Variants in IL12RB1 observed in about 807,000 individuals in gnomAD.
IL12RB1 encodes interleukin 12 receptor subunit beta 1, also known as interleukin-12 receptor subunit beta-1.
IL12RB1 carries 64 observed loss-of-function variants against 94.4 expected under a neutral mutation model. The observed-to-expected ratio is 0.68, with a 90% CI of 0.55 to 0.83. IL12RB1 has a LOEUF of 0.83. Among genes scored for constraint, IL12RB1 ranks in the 40% least tolerant of loss-of-function variants. The pLI is 0.00. For synonymous variants in IL12RB1, 362 were observed against 355.5 expected, an observed-to-expected ratio of 1.02 and a Z score of -0.21; for missense variants, 814 against 855.6, an observed-to-expected ratio of 0.95 and a Z score of 0.61.
At chr19:18,075,975 G>A (rs1375353283) in intron 6 of IL12RB1, 107 bp from the exon 7 acceptor site, 11 of 1,128,630 alleles carry the variant, frequency 9.7e-6, no homozygotes, top group Middle Eastern at 2.0e-4. Context: ...ACAGAGCCAC[G>A]TGCTGGGTCC....
At chr19:18,065,945 G>A (rs2034546982) in intron 12 of IL12RB1, among the ~76,000 whole-genome samples, 1 of 150,820 alleles carries the variant, frequency 6.6e-6, no homozygotes, top group Non-Finnish European at 1.5e-5. Flanking sequence ...AGGCTGAGGT[G>A]GGAGGATCGC....
At chr19:18,082,786 C>T (rs190697494) in intron 2 of IL12RB1, among the ~76,000 whole-genome samples, 25 of 152,202 alleles carry the variant, frequency 1.6e-4, no homozygotes, top group African/African-American at 5.1e-4. Context: ...ATAAATGTTC[C>T]GACAATATGG....
chr19:18,097,317 A>G (rs1250900239), intron 1 of IL12RB1, among the ~76,000 whole-genome samples: 1 of 151,884 alleles, frequency 6.6e-6, no homozygotes, highest in Admixed American at 6.6e-5. Context: ...AGCTGGGATT[A>G]CAGGCGCGCG....
At chr19:18,064,567 G>T (rs561411275) in intron 12 of IL12RB1, among the ~76,000 whole-genome samples, 5 of 151,588 alleles carry the variant, frequency 3.3e-5, no homozygotes, top group Non-Finnish European at 7.4e-5. Context: ...CCACCTCCCA[G>T]GTTCAAGCGA....
chr19:18,083,412 A>T lies in IL12RB1; in HGVS notation c.124+20T>A. On this transcript the variant is annotated intron_variant, in intron 2 of 16. Transcript: ENST00000593993. ...GAGCCCTACATAATCCTCAGCCAACAATGAGGAACTGCCCCGAACCTGAGT... is the reference window on the plus strand; with the variant it reads ...GAGCCCTACATAATCCTCAGCCAACTATGAGGAACTGCCCCGAACCTGAGT... 6.2e-7 allele frequency: 1 copy of T among 1,611,590 alleles called. No individual in the cohort carries two copies. The highest frequency in any genetic ancestry group is 1.3e-5 in the African/African-American group (1 of 74,984).
At chr19:18,066,452 C>T (rs577872814) in intron 12 of IL12RB1, 90 bp downstream of exon 12, 27 of 924,804 alleles carry the variant, frequency 2.9e-5, no homozygotes, top group Admixed American at 7.3e-5. Flanking sequence ...CAGAGAAGGA[C>T]GGCAAGGTGC....
chr19:18,091,051 C>T (rs138075617), upstream of IL12RB1, among the ~76,000 whole-genome samples: 139 of 152,048 alleles, frequency 9.1e-4, 1 homozygote, highest in East Asian at 0.024. Context: ...GCTGGGGCCT[C>T]GAGCGCCAGG....
intron 2 of IL12RB1, 120 bp from the exon 3 acceptor site, chr19:18,082,384 T>C: frequency 2.8e-6 from 2 of 703,734 alleles, no homozygotes. Flanking sequence ...CCTCCCCGCG[T>C]CCTTCCTACC....
intron 1 of IL12RB1, among the ~76,000 whole-genome samples, chr19:18,095,176 C>G (rs1424360577): frequency 6.6e-6 from 1 of 152,078 alleles, no homozygotes; most frequent in South Asian, 2.1e-4. Flanking sequence ...AACACTTCAT[C>G]TCAAAATAAA....
chr19:18,084,128 CATCT>C (rs2036138250), intron 1 of IL12RB1, among the ~76,000 whole-genome samples: 1 of 151,146 alleles, frequency 6.6e-6, no homozygotes, highest in Non-Finnish European at 1.5e-5. Flanking sequence ...TCTACCCATC[CATCT>C]ATCCATCCAT....
intron 12 of IL12RB1, among the ~76,000 whole-genome samples, chr19:18,064,251 T>G (rs984729983): frequency 1.3e-5 from 2 of 148,694 alleles, no homozygotes; most frequent in Non-Finnish European, 3.0e-5. Context: ...ACCATTCTCC[T>G]GCCTCAGCCT....
At chr19:18,094,719 G>A (rs749498396) in intron 1 of IL12RB1, among the ~76,000 whole-genome samples, 138 of 152,264 alleles carry the variant, frequency 9.1e-4, no homozygotes, top group Non-Finnish European at 1.4e-3. Context: ...CAAAAAATTA[G>A]CTGGGCATGG....
intron 5 of IL12RB1, 48 bp from the exon 6 acceptor site, chr19:18,076,375 A>C: frequency 1.1e-6 from 1 of 933,920 alleles, no homozygotes; most frequent in Non-Finnish European, 1.8e-6. Flanking sequence ...TGGTGCTGAA[A>C]AATATTTGCT....
At chr19:18,068,043 T>G (rs1394999626) in intron 11 of IL12RB1, among the ~76,000 whole-genome samples, 1 of 141,474 alleles carries the variant, frequency 7.1e-6, no homozygotes, top group Non-Finnish European at 1.5e-5. Flanking sequence ...TTTTTTTTTT[T>G]GAGACAGAGT....
chr19:18,092,434 G>A (rs2036671511), intron 1 of IL12RB1, among the ~76,000 whole-genome samples: 1 of 151,836 alleles, frequency 6.6e-6, no homozygotes, highest in Non-Finnish European at 1.5e-5. Context: ...GGTTTGCGGT[G>A]AGCCAAGATC....
chr19:18,097,590 T>A (rs1283682660), intron 1 of IL12RB1, among the ~76,000 whole-genome samples: 1 of 152,214 alleles, frequency 6.6e-6, no homozygotes, highest in Non-Finnish European at 1.5e-5. Flanking sequence ...CTGAGAGGAT[T>A]CATGCAAAAT....
Position 18,077,623 on chromosome 19 carries a change from C to A in IL12RB1, c.442G>T (p.Val148Leu), listed in dbSNP as rs766767626. ...CGCAGCTGCCCGGCCAACTTGGACA[C>A]CTTGATGTCTCCCAGAGGAGGCTCA... ...KYEPPLGDIK[V>L]SKLAGQLRME... The change falls in exon 5 of 17, where the codon GTG becomes TTG. Residue 148 changes from valine (V) to leucine (L), a missense_variant. Transcript: ENST00000593993. 6.3e-7 allele frequency: 1 copy of A among 1,594,530 alleles called. No homozygotes were observed. Among genetic ancestry groups the A allele is most frequent in the Admixed American group, 1.7e-5 (1 of 59,988 alleles).
At chr19:18,097,687 G>A in intron 1 of IL12RB1, 1 of 704,326 alleles carries the variant, frequency 1.4e-6, no homozygotes, top group Non-Finnish European at 1.9e-6. Flanking sequence ...GGAGGGGCGG[G>A]GCCAGGCCGT....
intron 9 of IL12RB1, chr19:18,070,548 A>T (rs1469554500): frequency 1.0e-6 from 1 of 985,222 alleles, no homozygotes; most frequent in Non-Finnish European, 1.2e-6. Context: ...AGAGATGGAT[A>T]CTGCTTGCAA....
Sources: gnomAD v4.1 joint callset for allele counts (sites outside exome capture counted in the v4.1 genomes callset) on GRCh38, gnomAD v4.1.1 for gene constraint, MANE v1.5 for transcripts, NCBI Gene and HGNC (gene_info 2026-07-23, HGNC 2026-07-21) for gene names.